CDK19: variants seen among roughly 807,000 people sequenced by gnomAD.
The protein encoded by CDK19 is cyclin-dependent kinase 19.
Under a neutral mutation model 68.3 loss-of-function variants are expected in CDK19, and 20 were observed. That is an observed-to-expected ratio of 0.29 (90% CI 0.21 to 0.43). CDK19 has a LOEUF of 0.43. Among genes scored for constraint, CDK19 ranks in the 20% least tolerant of loss-of-function variants. CDK19 has a pLI of 1.00. For synonymous variants in CDK19, 221 were observed against 222.8 expected (o/e 0.99, Z 0.07); for missense variants, 339 against 623.5 (o/e 0.54, Z 4.86).
At chr6:110,809,921 A>G (rs1481286286) in intron 1 of CDK19, among the ~76,000 whole-genome samples, 3 of 152,210 alleles carry the variant, frequency 2.0e-5, no homozygotes, top group African/African-American at 7.2e-5. Context: ...TGAGGAGTAC[A>G]CCGAGTGATT....
intron 2 of CDK19, among the ~76,000 whole-genome samples, chr6:110,694,865 C>T (rs1773338283): frequency 6.6e-6 from 1 of 152,100 alleles, no homozygotes; most frequent in African/African-American, 2.4e-5. Flanking sequence ...GGCTGTAATC[C>T]CAGCACTTTG....
chr6:110,705,627 A>C (rs922631499), intron 2 of CDK19, among the ~76,000 whole-genome samples: 8 of 152,236 alleles, frequency 5.3e-5, no homozygotes, highest in Non-Finnish European at 8.8e-5. Flanking sequence ...ACGTTCACAG[A>C]AGCGAAGCAT....
At chr6:110,804,340 TC>T (rs113793139) in intron 1 of CDK19, among the ~76,000 whole-genome samples, 16 of 151,956 alleles carry the variant, frequency 1.1e-4, no homozygotes, top group African/African-American at 3.1e-4. Flanking sequence ...AGTTAAAGAT[TC>T]TTTTTTCTTT....
At chr6:110,684,165 G>A (rs144084515) in intron 2 of CDK19, among the ~76,000 whole-genome samples, 1 of 152,092 alleles carries the variant, frequency 6.6e-6, no homozygotes, top group African/African-American at 2.4e-5. Context: ...GGAATTCTGA[G>A]GGGTATTCTA....
At chr6:110,644,940 A>C (rs1451305739) in intron 4 of CDK19, among the ~76,000 whole-genome samples, 1 of 152,242 alleles carries the variant, frequency 6.6e-6, no homozygotes, top group Non-Finnish European at 1.5e-5. Flanking sequence ...AGAGGCAATA[A>C]TCCTAAACCT....
chr6:110,717,794 T>C (rs1775520704), intron 2 of CDK19, among the ~76,000 whole-genome samples: 2 of 152,176 alleles, frequency 1.3e-5, no homozygotes, highest in African/African-American at 2.4e-5. Flanking sequence ...CTCTGCCTCC[T>C]GGGTTCAAGC....
At chr6:110,786,843 C>A (rs1273900677) in intron 1 of CDK19, among the ~76,000 whole-genome samples, 1 of 152,046 alleles carries the variant, frequency 6.6e-6, no homozygotes, top group East Asian at 1.9e-4. Context: ...TCCAGACTTT[C>A]TTTTGTAAAA....
chr6:110,729,603 A>ATTTTTTTTTTT lies in CDK19; in HGVS notation c.204+16512_204+16522dup, dbSNP rs35087722. 5.2e-5 allele frequency among the ~76,000 whole-genome samples: 7 copies of ATTTTTTTTTTT among 134,226 alleles called. 2 individuals are homozygous for ATTTTTTTTTTT. The highest frequency in any genetic ancestry group is 2.1e-4 in the East Asian group (1 of 4,654). The allele number at this position is 134,226 out of a possible 152,430, so 88.1% of individuals were successfully genotyped here. On this transcript the variant is annotated intron_variant, in intron 2 of 12. Coordinates refer to ENST00000368911, the MANE Select transcript of CDK19 (RefSeq NM_015076.5). The stretch of plus-strand genomic sequence containing the variant: ...GCCACCAGGCCCAGCTAATTTTTGT[A>ATTTTTTTTTTT]TTTTTTTTTTTTTTTTTTTAGTAGA...
intron 1 of CDK19, among the ~76,000 whole-genome samples, chr6:110,767,937 A>G (rs962691370): frequency 2.0e-5 from 3 of 152,252 alleles, no homozygotes; most frequent in Non-Finnish European, 2.9e-5. Flanking sequence ...TGCAAAACAA[A>G]TATCTGATAA....
intron 5 of CDK19, among the ~76,000 whole-genome samples, chr6:110,635,833 A>G (rs1018292370): frequency 1.3e-5 from 2 of 152,166 alleles, no homozygotes; most frequent in East Asian, 1.9e-4. Context: ...CACTGTGCCC[A>G]GCCCAACTAT....
intron 2 of CDK19, among the ~76,000 whole-genome samples, chr6:110,673,621 G>A (rs1293991817): frequency 2.0e-5 from 3 of 151,776 alleles, no homozygotes; most frequent in African/African-American, 7.3e-5. Flanking sequence ...GAGGCAATCA[G>A]AATACACACA....
At chr6:110,639,742 GA>G (rs1562147366) in intron 4 of CDK19, among the ~76,000 whole-genome samples, 1 of 152,192 alleles carries the variant, frequency 6.6e-6, no homozygotes, top group African/African-American at 2.4e-5. Context: ...TTCAAAGGAG[GA>G]AGTGATGAAT....
chr6:110,805,630 T>C (rs1177235225), intron 1 of CDK19, among the ~76,000 whole-genome samples: 1 of 152,148 alleles, frequency 6.6e-6, no homozygotes, highest in Non-Finnish European at 1.5e-5. Flanking sequence ...TTCACAAATC[T>C]GCGTGTAAGT....
At chr6:110,784,359 A>G (rs903438123) in intron 1 of CDK19, among the ~76,000 whole-genome samples, 7 of 152,164 alleles carry the variant, frequency 4.6e-5, no homozygotes, top group Non-Finnish European at 1.0e-4. Context: ...AATATATGCA[A>G]TGGTCACTAA....
chr6:110,792,686 G>C lies in CDK19; in HGVS notation c.128+22323C>G, dbSNP rs183720188. On this transcript the variant is annotated intron_variant, in intron 1 of 12. Coordinates refer to ENST00000368911, the MANE Select transcript of CDK19 (RefSeq NM_015076.5). ...CAGGCGAGGGATGGACATTCATGGCGAATACTTTTTTATAACAATTCATTA... is the reference window on the plus strand; with the variant it reads ...CAGGCGAGGGATGGACATTCATGGCCAATACTTTTTTATAACAATTCATTA... Among the ~76,000 whole-genome samples, 3 of 152,298 alleles carry C rather than the reference G, an allele frequency of 2.0e-5. No homozygotes were observed. The South Asian group carries it at 6.2e-4, about 32-fold the overall frequency.
intron 1 of CDK19, among the ~76,000 whole-genome samples, chr6:110,747,458 T>A (rs533294064): frequency 2.0e-5 from 3 of 152,320 alleles, no homozygotes; most frequent in African/African-American, 4.8e-5. Context: ...TGCAATTTTT[T>A]AAATGATGGC....
intron 1 of CDK19, among the ~76,000 whole-genome samples, chr6:110,773,202 G>C (rs572699542): frequency 6.6e-6 from 1 of 151,982 alleles, no homozygotes; most frequent in African/African-American, 2.4e-5. Flanking sequence ...AAAATTAGCT[G>C]GGCGTGATGG....
chr6:110,689,122 C>T (rs1270027316), intron 2 of CDK19, among the ~76,000 whole-genome samples: 1 of 152,146 alleles, frequency 6.6e-6, no homozygotes, highest in Non-Finnish European at 1.5e-5. Flanking sequence ...GTGGGGCTTA[C>T]TGCCGCATAC....
intron 8 of CDK19, among the ~76,000 whole-genome samples, chr6:110,624,498 TCAGTGACAAAAAAAC>T (rs1382613059): frequency 3.3e-5 from 5 of 152,062 alleles, no homozygotes; most frequent in African/African-American, 1.2e-4. Flanking sequence ...ATCAAGCCAC[TCAGTGACAAAAAAAC>T]CACTGACAAA....
Sources: allele counts gnomAD v4.1 joint callset (sites outside exome capture counted in the v4.1 genomes callset), GRCh38; gene constraint gnomAD v4.1.1; transcripts MANE v1.5; gene names NCBI Gene and HGNC (gene_info 2026-07-23, HGNC 2026-07-21).